KIAA1549: variants seen among roughly 807,000 people sequenced by gnomAD.
KIAA1549 encodes the protein KIAA1549.
A neutral mutation model predicts 156.4 loss-of-function variants in KIAA1549; 70 were observed. The ratio of observed to expected loss-of-function variants is 0.45; its 90% confidence interval spans 0.37 to 0.55. The LOEUF is 0.55. Ranked by LOEUF, KIAA1549 falls within the 20% of genes least tolerant of loss-of-function variation. The pLI is 0.00. For synonymous variants in KIAA1549, 1,103 were observed against 1,066.4 expected, an observed-to-expected ratio of 1.03 and a Z score of -0.67; for missense variants, 2,428 against 2,540.9, an observed-to-expected ratio of 0.96 and a Z score of 0.96.
At position 138,871,211 on chromosome 7, in the gene KIAA1549, G is replaced by C; in HGVS notation, c.4497C>G (p.Val1499=). The part of the protein sequence containing the change: ...IAMQPIPAPP[V]QRPSPADRVA... ...CTCGGTCGGCTGGGGAGGGGCGCTG[G>C]ACGGGAGGTGCCGGGATCGGCTGCA... is the stretch of plus-strand genomic sequence containing the variant. The change falls in exon 13 of 20, where the codon GTC becomes GTG. Residue 1499 remains valine (V), a synonymous_variant. Transcript: ENST00000422774. 1.2e-6 allele frequency: 2 copies of C among 1,613,402 alleles called. No homozygotes were observed. The highest frequency in any genetic ancestry group is 4.5e-5 in the East Asian group (2 of 44,886).
At chr7:138,862,512 A>C (rs554909078) in intron 15 of KIAA1549, among the ~76,000 whole-genome samples, 12 of 151,684 alleles carry the variant, frequency 7.9e-5, no homozygotes, top group Non-Finnish European at 1.0e-4. Flanking sequence ...TTAAAAAAAA[A>C]AAAAAGAAAA....
intron 1 of KIAA1549, among the ~76,000 whole-genome samples, chr7:138,940,253 G>C (rs1463661428): frequency 1.4e-5 from 2 of 142,034 alleles, no homozygotes; most frequent in East Asian, 3.9e-4. Flanking sequence ...CTATGAGTGA[G>C]AACATGTGGT....
chr7:138,918,507 T>C lies in KIAA1549; in HGVS notation c.1119A>G (p.Ser373=). 1.2e-6 allele frequency: 2 copies of C among 1,613,992 alleles called. No individual in the cohort carries two copies. Among genetic ancestry groups the C allele is most frequent in the South Asian group, 2.2e-5 (2 of 91,088 alleles). Residue 373 remains serine (S), a synonymous_variant, in exon 2 of 20, where the codon TCA becomes TCG. Transcript: ENST00000422774. The surrounding 1 kb of genome is among the most constrained non-coding windows in gnomAD (Gnocchi z 4.2). ...STPLAFASSA[S]PTDVSSNPFL... is the part of the protein sequence containing the mutation. ...AGGGGTTAGATGAAACATCAGTTGGTGAAGCAGAGGACGCAAATGCAAGAG... is the reference window on the plus strand; with the variant it reads ...AGGGGTTAGATGAAACATCAGTTGGCGAAGCAGAGGACGCAAATGCAAGAG...
rs75624915 is a variant in KIAA1549, at chr7:138,939,384, T to C, written c.188-19946A>G. ...CAATGCTTTTGGTTCATGTGTCTCT[T>C]AGGTCTCTTTTACTTTATAACAGTT... On this transcript the variant is annotated intron_variant, in intron 1 of 19. Coordinates refer to ENST00000422774, the MANE Select transcript of KIAA1549 (RefSeq NM_001164665.2). 4.4e-3 allele frequency among the ~76,000 whole-genome samples: 666 copies of C among 152,326 alleles called. 6 individuals are homozygous for C. The highest frequency in any genetic ancestry group is 0.016 in the African/African-American group (650 of 41,574).
chr7:138,861,382 G>C lies in KIAA1549; in HGVS notation c.5004C>G (p.Phe1668Leu), dbSNP rs1563052871. The change falls in exon 16 of 20, where the codon TTC (phenylalanine) becomes TTG (leucine). Residue 1668 changes from phenylalanine to leucine, a missense_variant. Physicochemically the swap from Phe to Leu is conservative, Grantham distance 22. Around this residue, in one of 5 missense-constraint regions of KIAA1549, gnomAD observed 404 missense variants for 417.0 expected, o/e 0.97. Transcript: ENST00000422774. ...VELGRYPALP[F>L]PASQYIPPQP... The stretch of plus-strand genomic sequence containing the variant: ...GGGGTGGGATGTACTGGGAGGCCGG[G>C]AAGGGAAGGGCTGGATACCTCCCCA... 6.2e-7 allele frequency: 1 copy of C among 1,611,654 alleles called. No individual in the cohort carries two copies. Among genetic ancestry groups the C allele is most frequent in the East Asian group, 2.2e-5 (1 of 44,846 alleles).
chr7:138,906,091 C>T (rs567850803), intron 6 of KIAA1549, among the ~76,000 whole-genome samples: 2 of 152,176 alleles, frequency 1.3e-5, no homozygotes, highest in Non-Finnish European at 2.9e-5. Context: ...ATAATAAAGT[C>T]AGGCACGGTG....
intron 17 of KIAA1549, among the ~76,000 whole-genome samples, chr7:138,848,557 G>GTTA (rs1347117906): frequency 6.6e-6 from 1 of 152,138 alleles, no homozygotes; most frequent in African/African-American, 2.4e-5. Context: ...TCTACTGCTG[G>GTTA]TTATGCTCAC....
At chr7:138,920,510 A>G (rs1379371430) in intron 1 of KIAA1549, among the ~76,000 whole-genome samples, 1 of 151,784 alleles carries the variant, frequency 6.6e-6, no homozygotes, top group Non-Finnish European at 1.5e-5. Context: ...AAGGATACCA[A>G]GTTCTGACAA....
In KIAA1549 at chr7:138,879,653, T is replaced by G. The variant is rs1172310410; in HGVS notation, c.4230A>C (p.Arg1410Ser). Residue 1410 changes from arginine to serine, a missense_variant and splice_region_variant, in exon 12 of 20, where the codon AGA becomes AGC. By Grantham distance (110) the Arg-to-Ser change is moderately radical (BLOSUM62 -1). This residue lies in a region of KIAA1549 where 404 missense variants were observed against 417.0 expected (regional missense o/e 0.97). Transcript: ENST00000422774. ...TAGAGTCAGCATCTGAGGGAGAAAC[T>G]CTGCAGACACAAAATGAATTGCAAA... ...IPSKNVRHRG[R>S]VSPSDADSTV... 6 of 1,504,346 alleles carry G rather than the reference T, an allele frequency of 4.0e-6. No homozygotes were observed. Among genetic ancestry groups the G allele is most frequent in the Non-Finnish European group, 5.4e-6 (6 of 1,114,016 alleles). 93.2% of individuals were successfully genotyped at this position (1,504,346 alleles called of 1,614,324 possible). A position where few individuals can be genotyped will look rare whatever the true frequency, so the allele number is the denominator to read the frequency against.
intron 15 of KIAA1549, among the ~76,000 whole-genome samples, chr7:138,862,504 A>T (rs1810614404): frequency 7.0e-6 from 1 of 142,242 alleles, no homozygotes; most frequent in East Asian, 2.0e-4. Flanking sequence ...CTAGACTCTT[A>T]AAAAAAAAAA....
At chr7:138,926,566 T>C (rs906443048) in intron 1 of KIAA1549, among the ~76,000 whole-genome samples, 2 of 152,218 alleles carry the variant, frequency 1.3e-5, no homozygotes, top group African/African-American at 4.8e-5. Flanking sequence ...ATTACAGGCA[T>C]GAGCCACTGC....
At chr7:138,908,322 G>A (rs887463086) in intron 5 of KIAA1549, among the ~76,000 whole-genome samples, 4 of 152,102 alleles carry the variant, frequency 2.6e-5, no homozygotes, top group East Asian at 1.9e-4. Context: ...CTGCATCATC[G>A]CAGGAAAGCC....
At position 138,981,277 on chromosome 7, in the gene KIAA1549, C is replaced by G. The variant is rs1275045357; in HGVS notation, c.-8G>C. ...GCGCCGCGCCCCCGGCATTCCCGGCCGGCGCCCCGGCCCGGCCTCGCGGCT... is the reference window on the plus strand; with the variant it reads ...GCGCCGCGCCCCCGGCATTCCCGGCGGGCGCCCCGGCCCGGCCTCGCGGCT... On this transcript the variant is annotated 5_prime_UTR_variant, in exon 1 of 20. Transcript: ENST00000422774. This position sits in a 1 kb window ranked among gnomAD's most constrained non-coding sequence, Gnocchi z 4.5. 1.7e-5 allele frequency: 17 copies of G among 973,556 alleles called. No homozygotes were observed. Among genetic ancestry groups the G allele is most frequent in the Non-Finnish European group, 1.9e-5 (16 of 822,054 alleles). 60.3% of individuals were successfully genotyped at this position (973,556 alleles called of 1,614,324 possible). A position where few individuals can be genotyped will look rare whatever the true frequency, so the allele number is the denominator to read the frequency against.
intron 17 of KIAA1549, among the ~76,000 whole-genome samples, chr7:138,847,180 C>A (rs1487220593): frequency 6.6e-6 from 1 of 152,198 alleles, no homozygotes; most frequent in Non-Finnish European, 1.5e-5. Flanking sequence ...GTTTTGCAAT[C>A]CAACACTCTA....
At chr7:138,921,663 G>A (rs1383051137) in intron 1 of KIAA1549, among the ~76,000 whole-genome samples, 5 of 152,088 alleles carry the variant, frequency 3.3e-5, no homozygotes, top group African/African-American at 9.7e-5. Flanking sequence ...TCAGGAGTTC[G>A]AGTCCAGCCT....
In KIAA1549 at chr7:138,977,215, T is replaced by C. The variant is rs78591405; in HGVS notation, c.187+3868A>G. 8.3e-3 allele frequency among the ~76,000 whole-genome samples: 1,262 copies of C among 152,262 alleles called. 28 individuals are homozygous for C. Among genetic ancestry groups the C allele is most frequent in the African/African-American group, 0.029 (1,217 of 41,546 alleles). On this transcript the variant is annotated intron_variant, in intron 1 of 19. Coordinates refer to ENST00000422774, the MANE Select transcript of KIAA1549 (RefSeq NM_001164665.2). The stretch of plus-strand genomic sequence containing the variant: ...TCCTTTGGAAGGGGAAAACGCAACA[T>C]ATAGAAGGAAAAATGGTTGCTATCC...
At chr7:138,903,310 T>C (rs1811895154) in intron 8 of KIAA1549, among the ~76,000 whole-genome samples, 1 of 152,204 alleles carries the variant, frequency 6.6e-6, no homozygotes. Context: ...CCTGTGATGA[T>C]ATGGCAACCC....
chr7:138,857,211 C>A (rs1326274152), intron 16 of KIAA1549, among the ~76,000 whole-genome samples: 3 of 152,172 alleles, frequency 2.0e-5, no homozygotes, highest in Non-Finnish European at 4.4e-5. Context: ...TCTCTCCATA[C>A]AAACACATAT....
intron 1 of KIAA1549, among the ~76,000 whole-genome samples, chr7:138,934,472 G>A (rs144249616): frequency 1.2e-3 from 181 of 151,982 alleles, no homozygotes; most frequent in African/African-American, 4.1e-3. Context: ...GGGATGGGGC[G>A]GAGTACACCA....
Sources: gnomAD v4.1 joint callset for allele counts (sites outside exome capture counted in the v4.1 genomes callset) on GRCh38, gnomAD v4.1.1 for gene constraint, gnomAD v4.1.1 regional missense constraint, Gnocchi (gnomAD v3.1) non-coding constraint, MANE v1.5 for transcripts, NCBI Gene and HGNC (gene_info 2026-07-23, HGNC 2026-07-21) for gene names.